RERE: variants seen among roughly 807,000 people sequenced by gnomAD.
RERE encodes the protein arginine-glutamic acid dipeptide repeats protein.
Under a neutral mutation model 146.1 loss-of-function variants are expected in RERE, and 40 were observed. The observed-to-expected ratio is 0.27, with a 90% CI of 0.21 to 0.36. The LOEUF is 0.36. Among genes scored for constraint, RERE ranks in the 10% least tolerant of loss-of-function variants. RERE has a pLI of 1.00. For synonymous variants in RERE, 1,003 were observed against 866.0 expected, an observed-to-expected ratio of 1.16 and a Z score of -2.78; for missense variants, 1,933 against 2,138.7, an observed-to-expected ratio of 0.90 and a Z score of 1.90.
intron 2 of RERE, among the ~76,000 whole-genome samples, chr1:8,641,751 A>C (rs1439945718): frequency 1.3e-5 from 2 of 152,194 alleles, no homozygotes. Flanking sequence ...TGAGGCAGTA[A>C]CATCTCTGAA....
chr1:8,533,426 A>G (rs763965188), intron 7 of RERE, among the ~76,000 whole-genome samples: 20 of 152,134 alleles, frequency 1.3e-4, no homozygotes, highest in Admixed American at 9.2e-4. Context: ...GTTTCTTCCG[A>G]TATTTCTGAC....
At chr1:8,570,684 A>C (rs1646211485) in intron 4 of RERE, among the ~76,000 whole-genome samples, 1 of 152,168 alleles carries the variant, frequency 6.6e-6, no homozygotes, top group Non-Finnish European at 1.5e-5. Context: ...AAAACAGTTC[A>C]ACCCTACAGA....
chr1:8,756,177 T>G lies in RERE; in HGVS notation c.-145+60983A>C, dbSNP rs1640636358. Among the ~76,000 whole-genome samples the G allele has an allele frequency of 1.3e-5, 2 of 152,114 alleles. 1 individual carries two copies. The highest frequency in any genetic ancestry group is 4.1e-4 in the South Asian group (2 of 4,824). ...AAAATAAAGTAAAAAATAATCAAAT[T>G]GTCAATTTTATAATAACTATAGGTC... On this transcript the variant is annotated intron_variant, in intron 1 of 22. Coordinates refer to ENST00000400908, the MANE Select transcript of RERE (RefSeq NM_001042681.2).
At chr1:8,555,594 C>CAT (rs772029016) in intron 6 of RERE, among the ~76,000 whole-genome samples, 10 of 152,040 alleles carry the variant, frequency 6.6e-5, no homozygotes, top group Non-Finnish European at 1.2e-4. Flanking sequence ...TTGTTAAAAC[C>CAT]ATATTACAGT....
intron 4 of RERE, among the ~76,000 whole-genome samples, chr1:8,572,116 T>A (rs905380230): frequency 6.6e-6 from 1 of 152,216 alleles, no homozygotes; most frequent in Non-Finnish European, 1.5e-5. Context: ...TTTCAGTTTA[T>A]CTTAATTATT....
At chr1:8,667,870 ACAAT>A (rs1638614752) in intron 1 of RERE, among the ~76,000 whole-genome samples, 2 of 152,242 alleles carry the variant, frequency 1.3e-5, no homozygotes, top group South Asian at 4.1e-4. Context: ...CAACTGAACT[ACAAT>A]TAACATTTGG....
At position 8,656,219 on chromosome 1, in the gene RERE, C is replaced by A. The variant is rs779512988; in HGVS notation, c.79G>T (p.Asp27Tyr). 1.2e-6 allele frequency: 2 copies of A among 1,613,620 alleles called. No individual in the cohort carries two copies. The highest frequency in any genetic ancestry group is 2.7e-5 in the African/African-American group (2 of 74,894). ...RDRDREREKR[D>Y]KARESENSRP... is the part of the protein sequence containing the mutation. ...GAATTCTCACTCTCTCTTGCTTTGT[C>A]TCTTTTCTCTCTCTCTCGGTCCCGG... The change falls in exon 2 of 23, where the codon GAC becomes TAC. Residue 27 changes from aspartate (D) to tyrosine (Y), a missense_variant. This residue lies in a region of RERE where 107 missense variants were observed against 119.7 expected (regional missense o/e 0.89). Coordinates refer to ENST00000400908, the MANE Select transcript of RERE (RefSeq NM_001042681.2).
chr1:8,601,516 G>C (rs969352170), intron 4 of RERE, among the ~76,000 whole-genome samples: 1 of 151,926 alleles, frequency 6.6e-6, no homozygotes, highest in African/African-American at 2.4e-5. Context: ...TGGGAGGTGG[G>C]AGCAATCATT....
rs72867593 is a variant in RERE at position 8,603,274 on chromosome 1, G to C, written c.522+11287C>G. 1.7e-3 allele frequency among the ~76,000 whole-genome samples: 265 copies of C among 152,368 alleles called. 1 individual carries two copies. The highest frequency in any genetic ancestry group is 5.1e-3 in the African/African-American group (214 of 41,586). On this transcript the variant is annotated intron_variant, in intron 4 of 22. Transcript: ENST00000400908. ...GGTAAATAAACAAGATGGCCTCAAT[G>C]TGCCAAGGGCACATTTATGCCAAAC...
At chr1:8,617,696 A>C (rs1290704269) in intron 3 of RERE, among the ~76,000 whole-genome samples, 1 of 152,158 alleles carries the variant, frequency 6.6e-6, no homozygotes, top group Non-Finnish European at 1.5e-5. Flanking sequence ...ATCATAGCGT[A>C]AGGCATTTTT....
intron 21 of RERE, among the ~76,000 whole-genome samples, chr1:8,355,859 C>T (rs1437629071): frequency 6.6e-6 from 1 of 152,088 alleles, no homozygotes; most frequent in East Asian, 1.9e-4. Flanking sequence ...AGAGACCTGC[C>T]GTGAGTCCCC....
chr1:8,356,738 C>A lies in RERE; in HGVS notation c.4340-492G>T, dbSNP rs575913212. On this transcript the variant is annotated intron_variant, in intron 20 of 22. Transcript: ENST00000400908. This position sits in a 1 kb window ranked among gnomAD's most constrained non-coding sequence, Gnocchi z 5.2. ...GGGACCTGGCACAGCACTGCCCTCT[C>A]CTCTCTGCTGGCACAAATCTTGCGT... Among the ~76,000 whole-genome samples, 1 of 152,264 alleles carries A rather than the reference C, an allele frequency of 6.6e-6. No individual in the cohort carries two copies. The highest frequency in any genetic ancestry group is 2.4e-5 in the African/African-American group (1 of 41,552).
intron 1 of RERE, among the ~76,000 whole-genome samples, chr1:8,669,692 C>T (rs548886931): frequency 2.0e-5 from 3 of 152,202 alleles, no homozygotes; most frequent in South Asian, 2.1e-4. Context: ...CTTTGGACCA[C>T]GGTAATCTTT....
Position 8,627,585 on chromosome 1 carries a change from G to A in RERE, c.326-3205C>T, listed in dbSNP as rs1218712762. Among the ~76,000 whole-genome samples the A allele has an allele frequency of 2.2e-5, 3 of 133,918 alleles. No homozygotes were observed. The South Asian group carries it at 7.3e-4, about 33-fold the overall frequency. 87.9% of individuals were successfully genotyped at this position (133,918 alleles called of 152,430 possible). A position where few individuals can be genotyped will look rare whatever the true frequency, so the allele number is the denominator to read the frequency against. On this transcript the variant is annotated intron_variant, in intron 2 of 22. Coordinates refer to ENST00000400908, the MANE Select transcript of RERE (RefSeq NM_001042681.2). ...CCACTGCACTCCAGCCTGGGTGACA[G>A]TGAAACTGTCTCAAAAAAAAAAAAA...
At chr1:8,782,762 T>G (rs1641188235) in intron 1 of RERE, among the ~76,000 whole-genome samples, 2 of 151,998 alleles carry the variant, frequency 1.3e-5, no homozygotes, top group Non-Finnish European at 2.9e-5. Flanking sequence ...AAAAATTAGC[T>G]GGATGTGGTA....
At chr1:8,514,339 A>ATG (rs1570373866) in intron 7 of RERE, among the ~76,000 whole-genome samples, 2 of 152,352 alleles carry the variant, frequency 1.3e-5, no homozygotes, top group East Asian at 3.9e-4. Context: ...TCTAACTCAA[A>ATG]TGTCTCGACG....
At chr1:8,581,825 T>G (rs74050236) in intron 4 of RERE, among the ~76,000 whole-genome samples, 3,354 of 152,298 alleles carry the variant, frequency 0.022, 131 homozygotes, top group African/African-American at 0.078. Flanking sequence ...ATTACCAATA[T>G]TGGAAAGCAT....
At chr1:8,503,440 G>A (rs139293015) in intron 8 of RERE, among the ~76,000 whole-genome samples, 70 of 152,294 alleles carry the variant, frequency 4.6e-4, no homozygotes, top group African/African-American at 1.5e-3. Context: ...ATTCACTGCA[G>A]CATTACATGT....
chr1:8,750,082 C>T lies in RERE; in HGVS notation c.-145+67078G>A, dbSNP rs1374428473. ...CATGAGAATCGCTTGAATGCAGAGGCCGAGGTTACAGTGAGCCAAGATTAT... is the reference window on the plus strand; with the variant it reads ...CATGAGAATCGCTTGAATGCAGAGGTCGAGGTTACAGTGAGCCAAGATTAT... On this transcript the variant is annotated intron_variant, in intron 1 of 22. Transcript: ENST00000400908. Among the ~76,000 whole-genome samples the T allele has an allele frequency of 2.8e-5, 4 of 143,168 alleles. No homozygotes were observed. The Admixed American group carries it at 3.1e-4, about 11-fold the overall frequency. The allele number at this position is 143,168 out of a possible 152,430, so 93.9% of individuals were successfully genotyped here.
Sources: allele counts gnomAD v4.1 joint callset (sites outside exome capture counted in the v4.1 genomes callset), GRCh38; gene constraint gnomAD v4.1.1; regional missense constraint gnomAD v4.1.1; non-coding constraint Gnocchi (gnomAD v3.1); transcripts MANE v1.5; gene names NCBI Gene and HGNC (gene_info 2026-07-23, HGNC 2026-07-21).